COLGALT2: variants seen among roughly 807,000 people sequenced by gnomAD.
COLGALT2 encodes procollagen galactosyltransferase 2.
Under a neutral mutation model 73.4 loss-of-function variants are expected in COLGALT2, and 49 were observed. The ratio of observed to expected loss-of-function variants is 0.67; its 90% CI spans 0.53 to 0.85. The LOEUF is 0.85. Among genes scored for constraint, COLGALT2 ranks in the 40% least tolerant of loss-of-function variants. The pLI is 0.00. For missense variants in COLGALT2, 722 were observed against 790.2 expected (o/e 0.91, Z 1.03); for synonymous variants, 295 against 307.6 (o/e 0.96, Z 0.43).
intron 10 of COLGALT2, among the ~76,000 whole-genome samples, chr1:183,941,297 G>A (rs1670100434): frequency 6.6e-6 from 1 of 152,178 alleles, no homozygotes; most frequent in African/African-American, 2.4e-5. Flanking sequence ...GGGAACCCAA[G>A]AGTGGCCCTA....
At chr1:184,027,915 G>C (rs1042491264) in intron 1 of COLGALT2, among the ~76,000 whole-genome samples, 2 of 152,310 alleles carry the variant, frequency 1.3e-5, no homozygotes, top group South Asian at 4.1e-4. Flanking sequence ...TGCAACACAA[G>C]AGATGGTCTG....
At chr1:183,960,278 G>A (rs1670663347) in intron 6 of COLGALT2, among the ~76,000 whole-genome samples, 2 of 152,164 alleles carry the variant, frequency 1.3e-5, no homozygotes, top group Admixed American at 6.5e-5. Context: ...CCTTCAGCAT[G>A]AGAATACTTC....
intron 11 of COLGALT2, 97 bp from the exon 12 acceptor site, chr1:183,939,134 G>A: frequency 1.3e-6 from 1 of 780,426 alleles, no homozygotes; most frequent in Non-Finnish European, 2.1e-6. Flanking sequence ...TACCTCATGA[G>A]TTCATTTCAT....
rs892027829 is a variant in COLGALT2, at chr1:183,973,645, A to C, written c.598T>G (p.Ser200Ala). Residue 200 changes from serine to alanine, a missense_variant, in exon 4 of 12, where the codon TCT becomes GCT. Coordinates refer to ENST00000361927, the MANE Select transcript of COLGALT2 (RefSeq NM_015101.4). ...GGGGTGATTCCGCACCAGAAATTAGAATACAGGCCCCGAGACTCCAGCATG... is the reference window on the plus strand; with the variant it reads ...GGGGTGATTCCGCACCAGAAATTAGCATACAGGCCCCGAGACTCCAGCATG... ...APMLESRGLY[S>A]NFWCGITPKG... is the part of the protein sequence containing the mutation. 1 of 1,614,140 alleles carries C rather than the reference A, an allele frequency of 6.2e-7. No individual in the cohort carries two copies. Among genetic ancestry groups the C allele is most frequent in the South Asian group, 1.1e-5 (1 of 91,058 alleles).
intron 6 of COLGALT2, among the ~76,000 whole-genome samples, chr1:183,963,577 T>A (rs143156361): frequency 0.012 from 1,812 of 152,264 alleles, 42 homozygotes; most frequent in African/African-American, 0.04. Context: ...TTGCTCAAAG[T>A]CATATAATTA....
At chr1:183,978,605 GA>G (rs2102820195) in intron 1 of COLGALT2, 85 bp from the exon 2 acceptor site, 1 of 732,338 alleles carries the variant, frequency 1.4e-6, no homozygotes, top group East Asian at 2.7e-5. Context: ...CTAACTGAAA[GA>G]AGAATGGCTA....
Position 183,936,304 on chromosome 1 carries a change from A to T in COLGALT2, c.*2457T>A, listed in dbSNP as rs1397770547. 1.0e-6 allele frequency: 1 copy of T among 985,484 alleles called. No individual in the cohort carries two copies. The highest frequency in any genetic ancestry group is 1.2e-6 in the Non-Finnish European group (1 of 829,890). 61.0% of individuals were successfully genotyped at this position (985,484 alleles called of 1,614,324 possible). On this transcript the variant is annotated 3_prime_UTR_variant, in exon 12 of 12. Transcript: ENST00000361927. Reference sequence around the variant, plus strand: ...AAGGAACCTCTGGATTGCTGAAGAGATGACTTTAAAAAAAAAGTCACATCT... The same window carrying T: ...AAGGAACCTCTGGATTGCTGAAGAGTTGACTTTAAAAAAAAAGTCACATCT...
chr1:183,997,644 C>T (rs778537049), intron 1 of COLGALT2, among the ~76,000 whole-genome samples: 7 of 152,178 alleles, frequency 4.6e-5, no homozygotes, highest in South Asian at 2.1e-4. Flanking sequence ...CATTCAAAAC[C>T]GTCCTGGGCT....
intron 11 of COLGALT2, among the ~76,000 whole-genome samples, chr1:183,939,683 C>T (rs1670056929): frequency 6.6e-6 from 1 of 152,168 alleles, no homozygotes; most frequent in Non-Finnish European, 1.5e-5. Context: ...CACACAACTC[C>T]ATTTTTACTG....
intron 7 of COLGALT2, 150 bp from the exon 8 acceptor site, chr1:183,951,263 T>C: frequency 1.6e-6 from 1 of 615,236 alleles, no homozygotes; most frequent in South Asian, 2.0e-5. Context: ...CTCACATCAG[T>C]GTTTAAGGTA....
At chr1:184,014,504 A>T (rs1482725706) in intron 1 of COLGALT2, among the ~76,000 whole-genome samples, 1 of 152,206 alleles carries the variant, frequency 6.6e-6, no homozygotes, top group Non-Finnish European at 1.5e-5. Context: ...TGGAAACCAG[A>T]TGAGAAATGA....
intron 6 of COLGALT2, among the ~76,000 whole-genome samples, chr1:183,961,374 G>C (rs1189132198): frequency 6.9e-6 from 1 of 144,440 alleles, no homozygotes; most frequent in African/African-American, 2.6e-5. Flanking sequence ...TCTCAGCCCT[G>C]TGGGAGAAAA....
At chr1:183,969,192 AT>A in intron 5 of COLGALT2, 76 bp downstream of exon 5, 2 of 1,173,026 alleles carry the variant, frequency 1.7e-6, no homozygotes, top group Non-Finnish European at 2.3e-6. Flanking sequence ...TTTTTTTTTA[AT>A]AAAATGCACA....
chr1:184,015,611 G>A (rs1648972913), intron 1 of COLGALT2, among the ~76,000 whole-genome samples: 1 of 152,240 alleles, frequency 6.6e-6, no homozygotes, highest in African/African-American at 2.4e-5. Context: ...CTCTCCCTGT[G>A]TAGGTACCTA....
At chr1:183,968,604 G>T (rs1670945991) in intron 5 of COLGALT2, among the ~76,000 whole-genome samples, 1 of 152,180 alleles carries the variant, frequency 6.6e-6, no homozygotes, top group Non-Finnish European at 1.5e-5. Context: ...TTACAGTGAG[G>T]TATTGTCCTG....
intron 7 of COLGALT2, 77 bp downstream of exon 7, chr1:183,954,685 T>C: frequency 8.6e-7 from 1 of 1,159,630 alleles, no homozygotes; most frequent in Non-Finnish European, 1.3e-6. Flanking sequence ...AGATGCAAGC[T>C]CAGGCTTGTG....
chr1:183,952,523 G>C (rs1572634396), intron 7 of COLGALT2, among the ~76,000 whole-genome samples: 4 of 152,196 alleles, frequency 2.6e-5, no homozygotes, highest in Admixed American at 2.0e-4. Context: ...CTGGAGTTCA[G>C]ATTGTACTGT....
chr1:184,014,879 T>C (rs915568069), intron 1 of COLGALT2, among the ~76,000 whole-genome samples: 3 of 152,028 alleles, frequency 2.0e-5, no homozygotes, highest in African/African-American at 7.2e-5. Context: ...CTACTGAAAA[T>C]GTCCATGGAA....
chr1:183,951,088 C>T lies in COLGALT2; in HGVS notation c.1055G>A (p.Arg352Lys), dbSNP rs1432122325. 3.7e-6 allele frequency: 6 copies of T among 1,613,662 alleles called. No homozygotes were observed. Among genetic ancestry groups the T allele is most frequent in the Non-Finnish European group, 5.1e-6 (6 of 1,179,664 alleles). ...DEIFMINLKR[R>K]KDRRDRMLRT... The stretch of plus-strand genomic sequence containing the variant: ...CAGCATCCGGTCCCGCCTGTCCTTT[C>T]TGCGTTTGAGGTTTATCATGAAAAT... The change falls in exon 8 of 12, where the codon AGA (arginine) becomes AAA (lysine). Residue 352 changes from arginine to lysine, a missense_variant. Arg to Lys is a conservative substitution (Grantham distance 26). Coordinates refer to ENST00000361927, the MANE Select transcript of COLGALT2 (RefSeq NM_015101.4).
Sources: gnomAD v4.1 joint callset for allele counts (sites outside exome capture counted in the v4.1 genomes callset) on GRCh38, gnomAD v4.1.1 for gene constraint, MANE v1.5 for transcripts, NCBI Gene and HGNC (gene_info 2026-07-23, HGNC 2026-07-21) for gene names.